Variants in CMIP observed in about 807,000 individuals in gnomAD.
CMIP encodes c-Maf inducing protein, also known as C-Maf-inducing protein.
A neutral mutation model predicts 97.3 loss-of-function variants in CMIP; 13 were observed. That is an observed-to-expected ratio of 0.13 (90% confidence interval 0.09 to 0.21). The LOEUF is 0.21. Among genes scored for constraint, CMIP ranks in the 10% least tolerant of loss-of-function variants. CMIP has a pLI of 1.00. For synonymous variants in CMIP, 538 were observed against 436.3 expected (o/e 1.23, Z -2.91); for missense variants, 847 against 1,024.9 (o/e 0.83, Z 2.37).
chr16:81,644,356 C>T (rs577740961), intron 3 of CMIP, among the ~76,000 whole-genome samples: 8 of 152,222 alleles, frequency 5.3e-5, no homozygotes, highest in Non-Finnish European at 7.4e-5. Context: ...GGCTAGCAGG[C>T]ATGGGGAATA....
intron 3 of CMIP, among the ~76,000 whole-genome samples, chr16:81,641,786 G>C (rs1260820556): frequency 6.6e-6 from 1 of 152,206 alleles, no homozygotes; most frequent in African/African-American, 2.4e-5. Context: ...AACTGCCTTT[G>C]GGAAACCGAG....
chr16:81,645,623 G>C, intron 3 of CMIP: 1 of 1,535,736 alleles, frequency 6.5e-7, no homozygotes, highest in Non-Finnish European at 8.7e-7. Context: ...TTGACAAGCA[G>C]AGAGGGTGAG....
chr16:81,508,456 T>G (rs2089751040), intron 1 of CMIP, among the ~76,000 whole-genome samples: 1 of 152,270 alleles, frequency 6.6e-6, no homozygotes, highest in South Asian at 2.1e-4. Context: ...TTCCCTGTTC[T>G]CTTTTTGTGG....
intron 1 of CMIP, among the ~76,000 whole-genome samples, chr16:81,540,218 G>A (rs753205282): frequency 3.9e-5 from 6 of 152,180 alleles, no homozygotes; most frequent in Admixed American, 6.5e-5. Flanking sequence ...TTTGTGTCTC[G>A]TCAGAGCACA....
intron 1 of CMIP, among the ~76,000 whole-genome samples, chr16:81,567,854 T>A (rs1296186658): frequency 6.6e-6 from 1 of 152,176 alleles, no homozygotes; most frequent in Non-Finnish European, 1.5e-5. Flanking sequence ...CCTGGGCACG[T>A]AGTAGGTGCT....
chr16:81,589,743 G>A (rs1233580769), intron 1 of CMIP, among the ~76,000 whole-genome samples: 1 of 152,250 alleles, frequency 6.6e-6, no homozygotes, highest in African/African-American at 2.4e-5. Context: ...TGCATACAGA[G>A]AAGCACACAT....
At chr16:81,540,643 A>AGTGTTTGTGT (rs2090430933) in intron 1 of CMIP, among the ~76,000 whole-genome samples, 1 of 141,876 alleles carries the variant, frequency 7.0e-6, no homozygotes, top group African/African-American at 2.7e-5. Context: ...TCTTGTTTTG[A>AGTGTTTGTGT]GTGTGTGTGT....
chr16:81,509,585 C>T (rs1000930969), intron 1 of CMIP, among the ~76,000 whole-genome samples: 4 of 152,172 alleles, frequency 2.6e-5, no homozygotes, highest in African/African-American at 4.8e-5. Flanking sequence ...CTTTCCCTTC[C>T]GCCCACTCTG....
rs1438441319 is a variant in CMIP at position 81,607,561 on chromosome 16, C to T, written c.301-6C>T. The T allele has an allele frequency of 1.9e-6, 3 of 1,611,806 alleles. No homozygotes were observed. Among genetic ancestry groups the T allele is most frequent in the South Asian group, 1.1e-5 (1 of 90,822 alleles). ...CATATCTCTTCTTTTTCTTTTTTTGCTGCAGCCAACTGGGTACATGGAAAA... is the reference window on the plus strand; with the variant it reads ...CATATCTCTTCTTTTTCTTTTTTTGTTGCAGCCAACTGGGTACATGGAAAA... On this transcript the variant is annotated splice_region_variant and splice_polypyrimidine_tract_variant and intron_variant, in intron 1 of 20. Transcript: ENST00000537098.
intron 4 of CMIP, among the ~76,000 whole-genome samples, chr16:81,654,154 G>A (rs900536640): frequency 5.3e-5 from 8 of 152,108 alleles, no homozygotes; most frequent in Non-Finnish European, 1.0e-4. Flanking sequence ...TGCCGGCCTC[G>A]GGCAAGATTT....
intron 1 of CMIP, among the ~76,000 whole-genome samples, chr16:81,544,957 A>G (rs538445551): frequency 5.3e-5 from 8 of 152,238 alleles, no homozygotes; most frequent in Non-Finnish European, 8.8e-5. Context: ...AAGGCTGCCA[A>G]ATTGGGGCCA....
chr16:81,642,901 A>C (rs2092322788), intron 3 of CMIP, among the ~76,000 whole-genome samples: 1 of 149,694 alleles, frequency 6.7e-6, no homozygotes, highest in East Asian at 2.1e-4. Flanking sequence ...ATCTCGCAAA[A>C]AAAAGAAAGA....
rs757458774 is a variant in CMIP, at chr16:81,699,833, G to C, written c.1755+32G>C. On this transcript the variant is annotated intron_variant, in intron 15 of 20. Coordinates refer to ENST00000537098, the MANE Select transcript of CMIP (RefSeq NM_198390.3). ...AGCTGGTCGGGGTCCCTGGTGGGGT[G>C]GCTGGCTCCCCGTCCCTTGTCCGTG... 67 of 1,475,492 alleles carry C rather than the reference G, an allele frequency of 4.5e-5. No individual in the cohort carries two copies. The African/African-American group carries it at 7.6e-4, about 17-fold the overall frequency. The allele number at this position is 1,475,492 out of a possible 1,614,324, so 91.4% of individuals were successfully genotyped here.
At chr16:81,593,475 C>G (rs1012151867) in intron 1 of CMIP, among the ~76,000 whole-genome samples, 2 of 152,174 alleles carry the variant, frequency 1.3e-5, no homozygotes, top group Non-Finnish European at 1.5e-5. Flanking sequence ...GACCTGCTTG[C>G]CATCCATCAT....
At chr16:81,602,291 C>T (rs980219981) in intron 1 of CMIP, among the ~76,000 whole-genome samples, 6 of 152,108 alleles carry the variant, frequency 3.9e-5, no homozygotes, top group Non-Finnish European at 5.9e-5. Context: ...TGTATGATTT[C>T]GGCTTTATAA....
chr16:81,456,008 A>C (rs775731280), intron 1 of CMIP, among the ~76,000 whole-genome samples: 3 of 152,220 alleles, frequency 2.0e-5, no homozygotes, highest in Admixed American at 6.5e-5. Flanking sequence ...CTGGCAGGTT[A>C]CAGGGGCAGG....
At chr16:81,703,783 C>A (rs1241290572) in intron 17 of CMIP, 156 bp from the exon 18 acceptor site, 2 of 1,022,052 alleles carry the variant, frequency 2.0e-6, no homozygotes, top group African/African-American at 3.2e-5. Flanking sequence ...GCCCATCCCA[C>A]CGAGCTGTGC....
chr16:81,531,943 A>G (rs928552599), intron 1 of CMIP, among the ~76,000 whole-genome samples: 4 of 152,248 alleles, frequency 2.6e-5, no homozygotes, highest in Non-Finnish European at 5.9e-5. Context: ...TTTGTCTTCT[A>G]AATGAAATGA....
At chr16:81,447,566 C>G (rs184543265) in intron 1 of CMIP, among the ~76,000 whole-genome samples, 1 of 152,190 alleles carries the variant, frequency 6.6e-6, no homozygotes, top group Non-Finnish European at 1.5e-5. Flanking sequence ...TGGGCCTTTC[C>G]GGAAAGCACC....
Sources: gnomAD v4.1 joint callset for allele counts (sites outside exome capture counted in the v4.1 genomes callset) on GRCh38, gnomAD v4.1.1 for gene constraint, MANE v1.5 for transcripts, NCBI Gene and HGNC (gene_info 2026-07-23, HGNC 2026-07-21) for gene names.